Variants in CSNK1G3 observed in about 807,000 individuals in gnomAD.
The protein encoded by CSNK1G3 is casein kinase 1 gamma 3, also known as casein kinase I isoform gamma-3.
A neutral mutation model predicts 64.3 loss-of-function variants in CSNK1G3; 23 were observed. The observed-to-expected ratio is 0.36, with a 90% CI of 0.26 to 0.51. The LOEUF is 0.51. Among genes scored for constraint, CSNK1G3 ranks in the 20% least tolerant of loss-of-function variants. The probability of loss-of-function intolerance (pLI) is 0.96; values close to 1 mark genes in which losing one functional copy is unlikely to be tolerated. For missense variants in CSNK1G3, 357 were observed against 510.5 expected, an observed-to-expected ratio of 0.70 and a Z score of 2.90; for synonymous variants, 158 against 162.2, an observed-to-expected ratio of 0.97 and a Z score of 0.20.
At chr5:123,602,306 G>A (rs1794638073) in intron 10 of CSNK1G3, among the ~76,000 whole-genome samples, 1 of 152,146 alleles carries the variant, frequency 6.6e-6, no homozygotes, top group Non-Finnish European at 1.5e-5. Flanking sequence ...TGGTTGATTT[G>A]TAGATATTAA....
At chr5:123,541,828 A>G (rs565874227) in intron 1 of CSNK1G3, among the ~76,000 whole-genome samples, 8 of 151,424 alleles carry the variant, frequency 5.3e-5, no homozygotes, top group Middle Eastern at 3.4e-3. Context: ...AATCTGGTCT[A>G]TTTCATTTTA....
chr5:123,559,042 G>C (rs750555280), intron 4 of CSNK1G3, among the ~76,000 whole-genome samples: 1 of 152,160 alleles, frequency 6.6e-6, no homozygotes, highest in African/African-American at 2.4e-5. Context: ...TAGCAATTAT[G>C]AAAGCATCTC....
At chr5:123,601,106 C>T (rs1196659794) in intron 10 of CSNK1G3, among the ~76,000 whole-genome samples, 2 of 152,014 alleles carry the variant, frequency 1.3e-5, no homozygotes, top group Admixed American at 6.6e-5. Context: ...ATTTCAGAGA[C>T]TCATCTTCTA....
intron 1 of CSNK1G3, among the ~76,000 whole-genome samples, chr5:123,516,226 T>C (rs1046130743): frequency 6.6e-5 from 10 of 152,198 alleles, no homozygotes; most frequent in Non-Finnish European, 1.2e-4. Context: ...ATGGTTCTGG[T>C]AATTTAAGGC....
intron 1 of CSNK1G3, among the ~76,000 whole-genome samples, chr5:123,533,343 C>G (rs1780249352): frequency 6.6e-6 from 1 of 151,614 alleles, no homozygotes; most frequent in Admixed American, 6.6e-5. Flanking sequence ...TGCATTTTTT[C>G]TTTTTGCTAA....
At chr5:123,525,243 A>G (rs190306625) in intron 1 of CSNK1G3, among the ~76,000 whole-genome samples, 1 of 149,768 alleles carries the variant, frequency 6.7e-6, no homozygotes, top group East Asian at 2.0e-4. Context: ...AATTAGGGAG[A>G]ATGTTAACAT....
At chr5:123,514,292 C>T (rs1776759343) in intron 1 of CSNK1G3, among the ~76,000 whole-genome samples, 1 of 152,142 alleles carries the variant, frequency 6.6e-6, no homozygotes, top group African/African-American at 2.4e-5. Context: ...TCAGCTTAAA[C>T]ATTAGTGTGT....
chr5:123,513,232 C>T (rs1242004951), intron 1 of CSNK1G3, among the ~76,000 whole-genome samples: 2 of 152,056 alleles, frequency 1.3e-5, no homozygotes, highest in Non-Finnish European at 2.9e-5. Context: ...TTTGTTTATC[C>T]CACATGCAGG....
At chr5:123,545,222 CT>C (rs1227413838) in intron 1 of CSNK1G3, among the ~76,000 whole-genome samples, 194 bp from the exon 2 acceptor site, 1 of 151,884 alleles carries the variant, frequency 6.6e-6, no homozygotes, top group Non-Finnish European at 1.5e-5. Flanking sequence ...TCCCTGATAT[CT>C]TTGTTTCGTA....
chr5:123,525,564 G>C (rs1778907152), intron 1 of CSNK1G3, among the ~76,000 whole-genome samples: 1 of 151,934 alleles, frequency 6.6e-6, no homozygotes, highest in Non-Finnish European at 1.5e-5. Flanking sequence ...CAAAGTGTTG[G>C]GATTACAGGC....
intron 4 of CSNK1G3, 28 bp from the exon 5 acceptor site, chr5:123,573,365 T>C: frequency 6.2e-7 from 1 of 1,607,896 alleles, no homozygotes; most frequent in Non-Finnish European, 8.5e-7. Flanking sequence ...ATGATGAAAT[T>C]ATTAAATGAG....
chr5:123,599,067 AG>A (rs1561607865), intron 10 of CSNK1G3, among the ~76,000 whole-genome samples: 2 of 152,196 alleles, frequency 1.3e-5, no homozygotes, highest in African/African-American at 4.8e-5. Flanking sequence ...GACAACAGAT[AG>A]TAGTAATCTC....
chr5:123,516,365 G>A (rs1233509256), intron 1 of CSNK1G3, among the ~76,000 whole-genome samples: 1 of 152,168 alleles, frequency 6.6e-6, no homozygotes, highest in Non-Finnish European at 1.5e-5. Context: ...CAGGAAATAT[G>A]GAATGGGAGA....
chr5:123,563,127 A>G (rs1271461288), intron 4 of CSNK1G3, among the ~76,000 whole-genome samples: 1 of 152,062 alleles, frequency 6.6e-6, no homozygotes, highest in African/African-American at 2.4e-5. Flanking sequence ...GGAAAAAATA[A>G]CCTTTTTTTC....
At chr5:123,603,482 C>T (rs192873131) in intron 10 of CSNK1G3, among the ~76,000 whole-genome samples, 6 of 152,168 alleles carry the variant, frequency 3.9e-5, no homozygotes, top group Admixed American at 2.6e-4. Flanking sequence ...TACAAGGTCT[C>T]TCTTATCCTG....
intron 4 of CSNK1G3, among the ~76,000 whole-genome samples, chr5:123,570,576 G>A (rs927734340): frequency 6.6e-6 from 1 of 151,930 alleles, no homozygotes; most frequent in East Asian, 1.9e-4. Context: ...GGCTGGTTTC[G>A]AACTCCTGAC....
At chr5:123,571,017 T>A (rs1351446043) in intron 4 of CSNK1G3, among the ~76,000 whole-genome samples, 1 of 152,210 alleles carries the variant, frequency 6.6e-6, no homozygotes, top group East Asian at 1.9e-4. Context: ...ATTCCCTGTT[T>A]CTGAACCTTT....
intron 10 of CSNK1G3, among the ~76,000 whole-genome samples, 197 bp from the exon 11 acceptor site, chr5:123,594,842 G>T (rs1019531904): frequency 2.6e-5 from 4 of 151,720 alleles, no homozygotes; most frequent in African/African-American, 9.7e-5. Context: ...TTTTATTGTT[G>T]ATCATTACAC....
intron 3 of CSNK1G3, 55 bp from the exon 4 acceptor site, chr5:123,557,440 G>T: frequency 1.5e-6 from 2 of 1,310,004 alleles, no homozygotes; most frequent in South Asian, 1.2e-5. Flanking sequence ...TTTGTGTTGG[G>T]ACCTAGTGCT....
Sources: gnomAD v4.1 joint callset for allele counts (sites outside exome capture counted in the v4.1 genomes callset) on GRCh38, gnomAD v4.1.1 for gene constraint, MANE v1.5 for transcripts, NCBI Gene and HGNC (gene_info 2026-07-23, HGNC 2026-07-21) for gene names.